ADGRB3: variants seen among roughly 807,000 people sequenced by gnomAD.
ADGRB3 encodes adhesion G protein-coupled receptor B3, also known as brain-specific angiogenesis inhibitor 3.
ADGRB3 carries 37 observed loss-of-function variants against 193.4 expected under a neutral mutation model. That is an observed-to-expected ratio of 0.19 (90% confidence interval 0.15 to 0.25). The LOEUF is 0.25. ADGRB3 is among the 10% of genes least tolerant of loss of function. The pLI, the probability that ADGRB3 is intolerant of heterozygous loss-of-function variation, is 1.00. For missense variants in ADGRB3, 1,637 were observed against 1,852.9 expected (o/e 0.88, Z 2.14); for synonymous variants, 690 against 644.2 (o/e 1.07, Z -1.08).
chr6:68,681,643 A>C (rs1246822580), intron 3 of ADGRB3, among the ~76,000 whole-genome samples: 7 of 152,228 alleles, frequency 4.6e-5, no homozygotes, highest in Admixed American at 1.3e-4. Context: ...TTTCTTTTCA[A>C]ACTACTAATC....
At chr6:68,665,792 T>C (rs1768787478) in intron 3 of ADGRB3, among the ~76,000 whole-genome samples, 1 of 151,862 alleles carries the variant, frequency 6.6e-6, no homozygotes, top group Non-Finnish European at 1.5e-5. Flanking sequence ...TTTATACTTA[T>C]GATTTGGATT....
chr6:68,931,796 T>G (rs9446077), intron 4 of ADGRB3, among the ~76,000 whole-genome samples: 3,417 of 152,218 alleles, frequency 0.022, 150 homozygotes, highest in African/African-American at 0.078. Context: ...ATTAGTTGAG[T>G]TGTAAGGAGG....
Position 69,339,469 on chromosome 6 carries a change from G to T in ADGRB3, c.3424G>T (p.Val1142Phe). ...TGTGTTTGATTCATTGCAAGGCTTT[G>T]TTATAGTCATGGTCCACTGCATTCT... ...FAVFDSLQGFVIVMVHCILRR... is the reference protein window; with the variant it reads ...FAVFDSLQGFFIVMVHCILRR... Residue 1142 changes from valine to phenylalanine, a missense_variant, in exon 26 of 32, where the codon GTT (valine) becomes TTT (phenylalanine). Val to Phe is a conservative substitution (Grantham distance 50). This residue lies in a region of ADGRB3 where 116 missense variants were observed against 168.1 expected (regional missense o/e 0.69). Coordinates refer to ENST00000370598, the MANE Select transcript of ADGRB3 (RefSeq NM_001704.3). The T allele has an allele frequency of 6.2e-7, 1 of 1,613,962 alleles. No individual in the cohort carries two copies. Among genetic ancestry groups the T allele is most frequent in the Non-Finnish European group, 8.5e-7 (1 of 1,179,850 alleles).
chr6:69,302,018 T>C (rs1352473115), intron 20 of ADGRB3, among the ~76,000 whole-genome samples: 1 of 151,880 alleles, frequency 6.6e-6, no homozygotes, highest in African/African-American at 2.4e-5. Context: ...CTTTAAAAAA[T>C]GTCCAGATAA....
intron 17 of ADGRB3, among the ~76,000 whole-genome samples, chr6:69,160,837 C>G (rs1774965723): frequency 6.6e-6 from 1 of 151,996 alleles, no homozygotes; most frequent in Non-Finnish European, 1.5e-5. Flanking sequence ...AGGCAATTAC[C>G]TCTGAACTTA....
At chr6:69,201,974 C>T (rs935592957) in intron 17 of ADGRB3, among the ~76,000 whole-genome samples, 4 of 152,116 alleles carry the variant, frequency 2.6e-5, no homozygotes. Flanking sequence ...AAACTGAGCT[C>T]TTCTCTATAG....
intron 20 of ADGRB3, among the ~76,000 whole-genome samples, chr6:69,312,977 A>G (rs1300252280): frequency 2.0e-5 from 3 of 151,830 alleles, no homozygotes; most frequent in African/African-American, 7.2e-5. Context: ...ATTATAAGCA[A>G]TTTTTATAGT....
In ADGRB3 at chr6:69,014,071, G is replaced by C; in HGVS notation, c.1963G>C (p.Glu655Gln). The change falls in exon 12 of 32, where the codon GAA (glutamate) becomes CAA (glutamine). Residue 655 changes from glutamate to glutamine, a missense_variant. Around this residue, in one of 7 missense-constraint regions of ADGRB3, gnomAD observed 641 missense variants for 673.9 expected, o/e 0.95. Coordinates refer to ENST00000370598, the MANE Select transcript of ADGRB3 (RefSeq NM_001704.3). ...FFQIVSNLLD[E>Q]ENKEKWEDAQ... ...TCAAATAGTTAGCAACCTTCTAGAT[G>C]AAGAAAACAAGGAAAAATGGGAAGA... 6.2e-7 allele frequency: 1 copy of C among 1,603,038 alleles called. No homozygotes were observed. The highest frequency in any genetic ancestry group is 1.7e-5 in the Admixed American group (1 of 59,288).
intron 3 of ADGRB3, among the ~76,000 whole-genome samples, chr6:68,708,571 T>C (rs1381630670): frequency 1.3e-5 from 2 of 152,190 alleles, no homozygotes; most frequent in African/African-American, 4.8e-5. Context: ...GTTTGAAACA[T>C]GTCACGTGGT....
chr6:68,782,778 G>T (rs980623794), intron 3 of ADGRB3, among the ~76,000 whole-genome samples: 4 of 151,440 alleles, frequency 2.6e-5, no homozygotes, highest in South Asian at 2.1e-4. Flanking sequence ...CTTCTTTTGA[G>T]AAGTGTCTGT....
At chr6:68,775,161 A>AAAAAAAT (rs59836231) in intron 3 of ADGRB3, among the ~76,000 whole-genome samples, 28 of 151,060 alleles carry the variant, frequency 1.9e-4, no homozygotes, top group Non-Finnish European at 5.9e-5. Flanking sequence ...AAAAAAAAAA[A>AAAAAAAT]GTCTTTTAAT....
chr6:68,935,695 T>C (rs9294815), intron 4 of ADGRB3, among the ~76,000 whole-genome samples: 4,616 of 152,236 alleles, frequency 0.03, 238 homozygotes, highest in African/African-American at 0.1. Context: ...TCGTTGGTCA[T>C]AGAAATGTTT....
At chr6:68,897,535 A>AAGGGAGGGAGGAAGGAGGGAG (rs1766260941) in intron 3 of ADGRB3, among the ~76,000 whole-genome samples, 1 of 46,752 alleles carries the variant, frequency 2.1e-5, no homozygotes, top group Non-Finnish European at 4.1e-5. Flanking sequence ...GAAAGAGGAA[A>AAGGGAGGGAGGAAGGAGGGAG]GAGGGAAGGA....
chr6:68,952,767 T>C (rs149497111), intron 6 of ADGRB3, among the ~76,000 whole-genome samples: 25 of 149,384 alleles, frequency 1.7e-4, no homozygotes, highest in African/African-American at 6.1e-4. Context: ...TCAATTTCAT[T>C]ATTTTCTCTG....
chr6:69,201,689 A>G (rs1303144133), intron 17 of ADGRB3, among the ~76,000 whole-genome samples: 1 of 152,054 alleles, frequency 6.6e-6, no homozygotes, highest in Non-Finnish European at 1.5e-5. Context: ...CAGGATTATA[A>G]CCACATGGGT....
chr6:69,319,242 T>C (rs1220031367), intron 20 of ADGRB3, among the ~76,000 whole-genome samples: 1 of 151,272 alleles, frequency 6.6e-6, no homozygotes, highest in South Asian at 2.1e-4. Context: ...AGTTTCTCTT[T>C]AATTGATTAT....
chr6:68,882,994 C>T (rs1018781053), intron 3 of ADGRB3, among the ~76,000 whole-genome samples: 8 of 151,934 alleles, frequency 5.3e-5, no homozygotes, highest in African/African-American at 1.2e-4. Flanking sequence ...CCTGGGTTCA[C>T]GCCATTCTCC....
intron 17 of ADGRB3, among the ~76,000 whole-genome samples, chr6:69,083,886 T>A (rs554447590): frequency 5.3e-5 from 8 of 151,564 alleles, no homozygotes; most frequent in African/African-American, 1.9e-4. Flanking sequence ...GCGATTCTCC[T>A]GCCTCAGCCT....
At chr6:69,047,959 G>A (rs1055779209) in intron 13 of ADGRB3, among the ~76,000 whole-genome samples, 1 of 152,074 alleles carries the variant, frequency 6.6e-6, no homozygotes, top group Non-Finnish European at 1.5e-5. Flanking sequence ...GACCACCATT[G>A]TATGATACCC....
Sources: allele counts gnomAD v4.1 joint callset (sites outside exome capture counted in the v4.1 genomes callset), GRCh38; gene constraint gnomAD v4.1.1; regional missense constraint gnomAD v4.1.1; transcripts MANE v1.5; gene names NCBI Gene and HGNC (gene_info 2026-07-23, HGNC 2026-07-21).